VPS13D: variants seen among roughly 807,000 people sequenced by gnomAD.
VPS13D encodes the protein vacuolar protein sorting 13 homolog D, also known as intermembrane lipid transfer protein VPS13D.
A neutral mutation model predicts 461.9 loss-of-function variants in VPS13D; 187 were observed. That is an observed-to-expected ratio of 0.40 (90% CI 0.36 to 0.46). The LOEUF (loss-of-function observed/expected upper bound fraction) is 0.46. VPS13D is among the 20% of genes least tolerant of loss of function. The probability of loss-of-function intolerance (pLI) is 0.60; values close to 1 mark genes in which losing one functional copy is unlikely to be tolerated. For synonymous variants in VPS13D, 1,951 were observed against 1,986.3 expected, an observed-to-expected ratio of 0.98 and a Z score of 0.47; for missense variants, 4,711 against 5,364.9, an observed-to-expected ratio of 0.88 and a Z score of 3.81.
chr1:12,300,978 T>C (rs971415935), intron 25 of VPS13D, among the ~76,000 whole-genome samples: 1 of 152,366 alleles, frequency 6.6e-6, no homozygotes, highest in Middle Eastern at 3.4e-3. Flanking sequence ...CAGCTACTTA[T>C]GCCTATTTTT....
chr1:12,375,028 A>G (rs1434297512), intron 55 of VPS13D, among the ~76,000 whole-genome samples: 1 of 152,226 alleles, frequency 6.6e-6, no homozygotes, highest in Non-Finnish European at 1.5e-5. Flanking sequence ...CTGAGCCACC[A>G]TGCCCGGCCA....
chr1:12,264,131 C>A (rs951818899), intron 13 of VPS13D, among the ~76,000 whole-genome samples: 2 of 152,104 alleles, frequency 1.3e-5, no homozygotes, highest in Non-Finnish European at 2.9e-5. Context: ...ATGAACCATG[C>A]CCATAGAAGA....
At chr1:12,360,062 G>A (rs1466825909) in intron 50 of VPS13D, among the ~76,000 whole-genome samples, 2 of 152,186 alleles carry the variant, frequency 1.3e-5, no homozygotes, top group African/African-American at 4.8e-5. Context: ...GGCCAGTTGA[G>A]CAAACCGATC....
At chr1:12,244,710 G>C in intron 5 of VPS13D, 93 bp downstream of exon 5, 1 of 1,234,340 alleles carries the variant, frequency 8.1e-7, no homozygotes. Flanking sequence ...TTTCTCGTGG[G>C]CTCAGCTGAT....
At position 12,251,645 on chromosome 1, in the gene VPS13D, A is replaced by C. The variant is rs146721365; in HGVS notation, c.565-2077A>C. On this transcript the variant is annotated intron_variant, in intron 6 of 69. Transcript: ENST00000620676. ...CCATACACTGGCTCATACTTGAGAC[A>C]CTCATAACTTTTTTTTTCCTGGCAC... Among the ~76,000 whole-genome samples the C allele has an allele frequency of 1.6e-4, 25 of 151,974 alleles. No individual in the cohort carries two copies. In the East Asian group the frequency reaches 4.8e-3, roughly 29 times the overall value.
intron 6 of VPS13D, among the ~76,000 whole-genome samples, chr1:12,250,651 CA>C (rs1355338092): frequency 1.3e-5 from 2 of 152,216 alleles, no homozygotes; most frequent in African/African-American, 4.8e-5. Context: ...TGATTTAACT[CA>C]TTTAATTCTC....
chr1:12,282,881 G>A lies in VPS13D; in HGVS notation c.4779G>A (p.Leu1593=), dbSNP rs1641829308. 1 of 1,614,026 alleles carries A rather than the reference G, an allele frequency of 6.2e-7. No individual in the cohort carries two copies. The highest frequency in any genetic ancestry group is 1.1e-5 in the South Asian group (1 of 91,086). ...CTGTTGAAAGGAAGGAGAATGGATT[G>A]TTCAGCCACTCCAGCCTTTCTAACA... is the stretch of plus-strand genomic sequence containing the variant. ...ESSVERKENG[L]FSHSSLSNTS... The change falls in exon 21 of 70, where the codon TTG becomes TTA. Residue 1593 remains leucine, a synonymous_variant. Coordinates refer to ENST00000620676, the MANE Select transcript of VPS13D (RefSeq NM_015378.4).
chr1:12,477,170 CA>C (rs1389193075), intron 67 of VPS13D, among the ~76,000 whole-genome samples: 1 of 152,212 alleles, frequency 6.6e-6, no homozygotes, highest in Non-Finnish European at 1.5e-5. Context: ...ACCAGAAAAA[CA>C]CGTATCAAGT....
intron 62 of VPS13D, 73 bp downstream of exon 62, chr1:12,401,777 ATAGG>A: frequency 2.3e-6 from 3 of 1,296,270 alleles, no homozygotes; most frequent in Non-Finnish European, 3.3e-6. Context: ...GTTTGTAAAA[ATAGG>A]TAGCCCCTTG....
chr1:12,415,782 G>A (rs1478312861), intron 64 of VPS13D, among the ~76,000 whole-genome samples: 3 of 152,050 alleles, frequency 2.0e-5, no homozygotes, highest in Non-Finnish European at 2.9e-5. Context: ...TCCATTCCCC[G>A]TTTCCTTTTT....
chr1:12,272,392 GGTGTGTGTGTGTGTGTGT>G (rs60615824), intron 17 of VPS13D, among the ~76,000 whole-genome samples: 4 of 143,038 alleles, frequency 2.8e-5, no homozygotes, highest in African/African-American at 7.7e-5. Flanking sequence ...TTTTTGTTTT[GGTGTGTGTGTGTGTGTGT>G]GTGTGTGTGT....
chr1:12,291,200 A>G (rs1048311108), intron 23 of VPS13D, 76 bp downstream of exon 23: 41 of 1,520,798 alleles, frequency 2.7e-5, no homozygotes, highest in Non-Finnish European at 3.3e-5. Context: ...TGGCTAGACA[A>G]TAAAGAAAAC....
At chr1:12,416,543 T>A (rs1644796717) in intron 64 of VPS13D, 117 bp from the exon 65 acceptor site, 1 of 1,086,846 alleles carries the variant, frequency 9.2e-7, no homozygotes, top group East Asian at 2.5e-5. Context: ...ATCTCGTTAC[T>A]TGTAGTAATG....
rs1353087282 is a variant in VPS13D at position 12,270,988 on chromosome 1, T to G, written c.1973-6T>G. 5 of 1,613,576 alleles carry G rather than the reference T, an allele frequency of 3.1e-6. No homozygotes were observed. The highest frequency in any genetic ancestry group is 4.2e-6 in the Non-Finnish European group (5 of 1,179,634). On this transcript the variant is annotated splice_region_variant and splice_polypyrimidine_tract_variant and intron_variant, in intron 16 of 69. Coordinates refer to ENST00000620676, the MANE Select transcript of VPS13D (RefSeq NM_015378.4). Reference sequence around the variant, plus strand: ...CTGACTCTGCTGTGTATTTCCAACCTTGCAGGTTTTGGTTATCAGTCTGAA... The same window carrying G: ...CTGACTCTGCTGTGTATTTCCAACCGTGCAGGTTTTGGTTATCAGTCTGAA...
At chr1:12,349,081 T>C in intron 45 of VPS13D, 83 bp from the exon 46 acceptor site, 7 of 1,610,072 alleles carry the variant, frequency 4.3e-6, no homozygotes, top group Non-Finnish European at 5.9e-6. Context: ...GTATATATGG[T>C]CTGTCTTCTT....
chr1:12,287,494 T>C (rs1642008153), intron 21 of VPS13D, among the ~76,000 whole-genome samples: 1 of 152,182 alleles, frequency 6.6e-6, no homozygotes. Context: ...GGGTGTGAAT[T>C]GAAGATTAAA....
intron 24 of VPS13D, among the ~76,000 whole-genome samples, chr1:12,294,358 T>C (rs1405176659): frequency 6.6e-6 from 1 of 152,242 alleles, no homozygotes; most frequent in Non-Finnish European, 1.5e-5. Context: ...TTTATCTTCT[T>C]ATGGTACTTG....
At chr1:12,252,612 A>G (rs973945451) in intron 6 of VPS13D, among the ~76,000 whole-genome samples, 5 of 152,088 alleles carry the variant, frequency 3.3e-5, no homozygotes, top group South Asian at 4.2e-4. Context: ...TCTCTATTAA[A>G]AATAAAAAAA....
chr1:12,304,041 C>G lies in VPS13D; in HGVS notation c.6217-465C>G, dbSNP rs543449266. On this transcript the variant is annotated intron_variant, in intron 25 of 69. Transcript: ENST00000620676. ...AGTTACTTAGATGGGAAATGTAAAC[C>G]CATGAGGGGAGACATCTAGAAGGTA... is the stretch of plus-strand genomic sequence containing the variant. 5.3e-4 allele frequency among the ~76,000 whole-genome samples: 80 copies of G among 152,186 alleles called. 1 individual carries two copies. Among genetic ancestry groups the G allele is most frequent in the African/African-American group, 1.9e-3 (79 of 41,500 alleles).
Sources: allele counts gnomAD v4.1 joint callset (sites outside exome capture counted in the v4.1 genomes callset), GRCh38; gene constraint gnomAD v4.1.1; transcripts MANE v1.5; gene names NCBI Gene and HGNC (gene_info 2026-07-23, HGNC 2026-07-21).